Variants in COA1 observed in about 807,000 individuals in gnomAD.
COA1 encodes the protein cytochrome c oxidase assembly factor 1.
Under a neutral mutation model 16.0 loss-of-function variants are expected in COA1, and 13 were observed. That is an observed-to-expected ratio of 0.81 (90% CI 0.53 to 1.29). COA1 has a LOEUF of 1.29. COA1 is among the 50% of genes most tolerant of loss of function. The probability of loss-of-function intolerance (pLI) is 0.00; values close to 1 mark genes in which losing one functional copy is unlikely to be tolerated. For missense variants in COA1, 179 were observed against 177.0 expected (o/e 1.01, Z -0.06); for synonymous variants, 65 against 65.7 (o/e 0.99, Z 0.05).
rs191754491 is a variant in COA1, at chr7:43,705,817, C to T, written c.-39+23612G>A. Among the ~76,000 whole-genome samples the T allele has an allele frequency of 1.8e-3, 271 of 152,306 alleles. 2 individuals are homozygous for T. The highest frequency in any genetic ancestry group is 6.1e-3 in the African/African-American group (252 of 41,560). ...CCACAGGTAGGCTCCCAGAGGTCCG[C>T]GGCAAGAGTGGGCCACTCCACATCA... On this transcript the variant is annotated intron_variant, in intron 1 of 5. Transcript: ENST00000223336.
intron 1 of COA1, among the ~76,000 whole-genome samples, chr7:43,696,715 A>ATG (rs1585126326): frequency 1.3e-5 from 2 of 152,122 alleles, no homozygotes; most frequent in East Asian, 1.9e-4. Context: ...GTGTATATAT[A>ATG]TGTATATATA....
intron 1 of COA1, among the ~76,000 whole-genome samples, chr7:43,725,807 C>G (rs2095605481): frequency 6.6e-6 from 1 of 151,434 alleles, no homozygotes; most frequent in South Asian, 2.1e-4. Context: ...TGCAGTAAGC[C>G]GAGATCGCAC....
intron 1 of COA1, among the ~76,000 whole-genome samples, chr7:43,709,027 C>CT (rs538423823): frequency 0.15 from 20,916 of 143,258 alleles, 2,022 homozygotes; most frequent in Non-Finnish European, 0.22. Context: ...CTCCTATAAT[C>CT]TTTTTTTTTT....
At chr7:43,716,015 T>C (rs950397045) in intron 1 of COA1, among the ~76,000 whole-genome samples, 1 of 152,204 alleles carries the variant, frequency 6.6e-6, no homozygotes, top group Non-Finnish European at 1.5e-5. Flanking sequence ...CCTTGCCTTC[T>C]GCCATGATTG....
chr7:43,706,175 A>G (rs954774297), intron 1 of COA1, among the ~76,000 whole-genome samples: 6 of 143,924 alleles, frequency 4.2e-5, no homozygotes, highest in Admixed American at 2.0e-4. Flanking sequence ...ACACTACTGG[A>G]AAAAAAAAAT....
rs571868917 is a variant in COA1, at chr7:43,697,724, C to A, written c.-39+31705G>T. Among the ~76,000 whole-genome samples the A allele has an allele frequency of 5.3e-5, 8 of 152,336 alleles. No homozygotes were observed. In the South Asian group the frequency reaches 1.7e-3, roughly 32 times the overall value. On this transcript the variant is annotated intron_variant, in intron 1 of 5. Coordinates refer to ENST00000223336, the MANE Select transcript of COA1 (RefSeq NM_018224.4). ...ACAAGAAAAGATTTGGCTGCCCTCA[C>A]ACTCAGTATTCCATCTCAGCTTCTT... is the stretch of plus-strand genomic sequence containing the variant.
intron 3 of COA1, chr7:43,645,666 A>T (rs933647255): frequency 9.1e-6 from 3 of 328,384 alleles, no homozygotes; most frequent in Admixed American, 8.5e-5. Flanking sequence ...CCTCATTTCT[A>T]CCCTCACTCA....
intron 6 of COA1, among the ~76,000 whole-genome samples, chr7:43,633,968 G>T (rs2330919): frequency 0.8 from 122,442 of 152,166 alleles, 49,817 homozygotes; most frequent in African/African-American, 0.93. Context: ...TTGTTTTCTC[G>T]TTACTCCTCA....
intron 5 of COA1, 118 bp downstream of exon 5, chr7:43,640,455 G>T: frequency 1.2e-6 from 1 of 802,308 alleles, no homozygotes; most frequent in Non-Finnish European, 2.0e-6. Flanking sequence ...CTTCAAGCTT[G>T]AAAAATAATT....
At chr7:43,624,900 T>C in intron 6 of COA1, 1 of 1,432,246 alleles carries the variant, frequency 7.0e-7, no homozygotes, top group South Asian at 1.4e-5. Context: ...ATATTATTTA[T>C]GGACCTCTGG....
At chr7:43,646,448 A>C in intron 3 of COA1, 1 of 413,980 alleles carries the variant, frequency 2.4e-6, no homozygotes, top group Admixed American at 2.6e-5. Context: ...CACACCAATA[A>C]GGTAACTAAT....
At chr7:43,707,641 G>A (rs1202539563) in intron 1 of COA1, among the ~76,000 whole-genome samples, 1 of 152,118 alleles carries the variant, frequency 6.6e-6, no homozygotes, top group Non-Finnish European at 1.5e-5. Flanking sequence ...GGATTCTTTT[G>A]TGTGTGGGTT....
chr7:43,686,860 T>C lies in COA1; in HGVS notation c.-38-38208A>G, dbSNP rs1464362649. 3.9e-5 allele frequency among the ~76,000 whole-genome samples: 6 copies of C among 152,308 alleles called. No individual in the cohort carries two copies. In the East Asian group the frequency reaches 9.6e-4, roughly 24 times the overall value. On this transcript the variant is annotated intron_variant, in intron 1 of 5. Transcript: ENST00000223336. ...CCCTATAATACAAGTATTTAAAAAATTGATATAGTGAGTTCCCATGTTGAT... is the reference window on the plus strand; with the variant it reads ...CCCTATAATACAAGTATTTAAAAAACTGATATAGTGAGTTCCCATGTTGAT...
chr7:43,724,041 C>T (rs2095562147), intron 1 of COA1, among the ~76,000 whole-genome samples: 1 of 152,212 alleles, frequency 6.6e-6, no homozygotes, highest in Non-Finnish European at 1.5e-5. Flanking sequence ...TCAAAGATCT[C>T]CAAGTCCTAA....
intron 1 of COA1, among the ~76,000 whole-genome samples, chr7:43,687,415 TGAGA>T (rs1411747144): frequency 2.0e-5 from 3 of 152,300 alleles, no homozygotes; most frequent in South Asian, 2.1e-4. Context: ...ATATTTGTCC[TGAGA>T]GAGAAAGATC....
At chr7:43,688,909 G>A (rs1416214012) in intron 1 of COA1, among the ~76,000 whole-genome samples, 1 of 152,126 alleles carries the variant, frequency 6.6e-6, no homozygotes, top group Non-Finnish European at 1.5e-5. Flanking sequence ...GCTACAAAAA[G>A]AACTTAAAAA....
chr7:43,667,848 C>T (rs1187724600), intron 1 of COA1, among the ~76,000 whole-genome samples: 3 of 152,170 alleles, frequency 2.0e-5, no homozygotes, highest in Admixed American at 1.3e-4. Context: ...GTCCAGGAAA[C>T]TTATTTTAAC....
intron 1 of COA1, among the ~76,000 whole-genome samples, chr7:43,690,118 A>C (rs1175212495): frequency 1.3e-5 from 2 of 152,156 alleles, no homozygotes; most frequent in African/African-American, 4.8e-5. Flanking sequence ...GTTGGTGTGG[A>C]TGCAGTGAAA....
Position 43,729,411 on chromosome 7 carries a change from A to T in COA1, c.-39+18T>A, listed in dbSNP as rs1367204713. On this transcript the variant is annotated intron_variant, in intron 1 of 5. Coordinates refer to ENST00000223336, the MANE Select transcript of COA1 (RefSeq NM_018224.4). ...TGCTGGGGGGAAGACGGAGACTCTTATACCGCGGGAGACTAACCTGTGAGC... is the reference window on the plus strand; with the variant it reads ...TGCTGGGGGGAAGACGGAGACTCTTTTACCGCGGGAGACTAACCTGTGAGC... The T allele has an allele frequency of 6.6e-6, 1 of 152,366 alleles. No individual in the cohort carries two copies. Among genetic ancestry groups the T allele is most frequent in the Admixed American group, 6.5e-5 (1 of 15,288 alleles). 9.4% of individuals were successfully genotyped at this position (152,366 alleles called of 1,614,324 possible).
Sources: gnomAD v4.1 joint callset for allele counts (sites outside exome capture counted in the v4.1 genomes callset) on GRCh38, gnomAD v4.1.1 for gene constraint, MANE v1.5 for transcripts, NCBI Gene and HGNC (gene_info 2026-07-23, HGNC 2026-07-21) for gene names.